Variants in SIPA1L2 observed in about 807,000 individuals in gnomAD.
SIPA1L2 encodes the protein signal induced proliferation associated 1 like 2.
SIPA1L2 carries 56 observed loss-of-function variants against 163.9 expected under a neutral mutation model. The observed-to-expected ratio is 0.34, with a 90% CI of 0.28 to 0.43. The LOEUF (loss-of-function observed/expected upper bound fraction) is 0.43, where lower values mean the gene tolerates loss of function less well. Among genes scored for constraint, SIPA1L2 ranks in the 20% least tolerant of loss-of-function variants. The probability of loss-of-function intolerance (pLI) is 1.00; values close to 1 mark genes in which losing one functional copy is unlikely to be tolerated. For synonymous variants in SIPA1L2, 877 were observed against 865.7 expected (o/e 1.01, Z -0.23); for missense variants, 1,974 against 2,193.5 (o/e 0.90, Z 2.00).
intron 2 of SIPA1L2, among the ~76,000 whole-genome samples, chr1:232,542,268 A>T (rs1657730961): frequency 6.6e-6 from 1 of 152,242 alleles, no homozygotes; most frequent in African/African-American, 2.4e-5. Flanking sequence ...AGGATACTCA[A>T]CATAGAGATA....
intron 3 of SIPA1L2, 32 bp downstream of exon 3, chr1:232,513,825 G>A (rs1464165437): frequency 6.5e-7 from 1 of 1,530,112 alleles, no homozygotes; most frequent in Non-Finnish European, 8.7e-7. Context: ...CTACTCCCGA[G>A]ACACATGCAA....
chr1:232,583,465 T>G (rs912835060), intron 1 of SIPA1L2, among the ~76,000 whole-genome samples: 1 of 152,200 alleles, frequency 6.6e-6, no homozygotes, highest in Admixed American at 6.5e-5. Context: ...TGAATAGTGA[T>G]ACAGCCTGAA....
At chr1:232,572,040 T>C (rs893552621) in intron 2 of SIPA1L2, among the ~76,000 whole-genome samples, 2 of 152,196 alleles carry the variant, frequency 1.3e-5, no homozygotes, top group Non-Finnish European at 2.9e-5. Flanking sequence ...ACTCATCAGA[T>C]TACCCATAAA....
chr1:232,432,215 G>A, intron 16 of SIPA1L2, 32 bp downstream of exon 16: 1 of 1,581,790 alleles, frequency 6.3e-7, no homozygotes, highest in South Asian at 1.1e-5. Flanking sequence ...AGTGAAAAAT[G>A]CTGACCAGAG....
intron 18 of SIPA1L2, among the ~76,000 whole-genome samples, chr1:232,416,635 G>A (rs774392383): frequency 6.6e-6 from 1 of 152,180 alleles, no homozygotes; most frequent in Non-Finnish European, 1.5e-5. Flanking sequence ...AACTTGAGAT[G>A]CCTCAAATAC....
chr1:232,479,704 A>G lies in SIPA1L2; in HGVS notation c.2008T>C (p.Tyr670His). ...AGTTCGTAGTCTTTGTATGTGGTAT[A>G]GAGAGAGTGCGTGCCCGTGGAATCA... The part of the protein sequence containing the change: ...KTDSTGTHSL[Y>H]TTYKDYELMF... Residue 670 changes from tyrosine to histidine, a missense_variant, in exon 7 of 23, where the codon TAT (tyrosine) becomes CAT (histidine). Tyr to His is a moderately conservative substitution (Grantham distance 83). Around this residue, in one of 3 missense-constraint regions of SIPA1L2, gnomAD observed 288 missense variants for 418.9 expected, o/e 0.69. Transcript: ENST00000674635. 1 of 1,613,750 alleles carries G rather than the reference A, an allele frequency of 6.2e-7. No individual in the cohort carries two copies. Among genetic ancestry groups the G allele is most frequent in the Non-Finnish European group, 8.5e-7 (1 of 1,179,730 alleles).
rs57748891 is a variant in SIPA1L2, at chr1:232,549,815, GT to G, written c.-270+24358del. Among the ~76,000 whole-genome samples, 731 of 152,222 alleles carry G rather than the reference GT, an allele frequency of 4.8e-3. 7 individuals are homozygous for G. The highest frequency in any genetic ancestry group is 0.017 in the African/African-American group (705 of 41,536). ...AATATTATTTTTCTTCATCATTTTT[GT>G]TTTGTTTATGTTGCTAATTGACTAT... On this transcript the variant is annotated intron_variant, in intron 2 of 22. Transcript: ENST00000674635.
At chr1:232,411,509 C>T (rs562617708) in intron 19 of SIPA1L2, among the ~76,000 whole-genome samples, 31 of 151,906 alleles carry the variant, frequency 2.0e-4, no homozygotes, top group African/African-American at 7.5e-4. Flanking sequence ...ATCAAATTTG[C>T]TATTGGTTTA....
chr1:232,454,976 G>C (rs2102900141), intron 10 of SIPA1L2, among the ~76,000 whole-genome samples: 1 of 152,348 alleles, frequency 6.6e-6, no homozygotes, highest in South Asian at 2.1e-4. Flanking sequence ...AACAGCCCCA[G>C]TGCTCAGCAC....
At chr1:232,464,746 G>T in intron 9 of SIPA1L2, 94 bp downstream of exon 9, 4 of 981,436 alleles carry the variant, frequency 4.1e-6, no homozygotes, top group Non-Finnish European at 5.9e-6. Context: ...TTCCCTAATT[G>T]GTATAATCAT....
chr1:232,399,858 T>A (rs547414214), intron 22 of SIPA1L2, among the ~76,000 whole-genome samples: 149 of 152,056 alleles, frequency 9.8e-4, no homozygotes, highest in African/African-American at 3.4e-3. Context: ...GTTCCCCCCC[T>A]GCTGAAAGGG....
chr1:232,509,789 T>C (rs992947119), intron 3 of SIPA1L2, among the ~76,000 whole-genome samples: 1 of 152,158 alleles, frequency 6.6e-6, no homozygotes, highest in Non-Finnish European at 1.5e-5. Flanking sequence ...CAATTTCACT[T>C]TGAAGTCACA....
At chr1:232,525,193 T>G (rs1445920963) in intron 2 of SIPA1L2, among the ~76,000 whole-genome samples, 1 of 151,840 alleles carries the variant, frequency 6.6e-6, no homozygotes, top group East Asian at 1.9e-4. Flanking sequence ...TACTGCCCTT[T>G]ATTCCTATGC....
At chr1:232,579,526 A>G (rs773898140) in intron 1 of SIPA1L2, among the ~76,000 whole-genome samples, 3 of 152,234 alleles carry the variant, frequency 2.0e-5, no homozygotes, top group Non-Finnish European at 2.9e-5. Context: ...CATTTCCTAC[A>G]GGATAAGCAA....
chr1:232,612,594 C>T (rs1662299679), intron 1 of SIPA1L2, among the ~76,000 whole-genome samples: 1 of 152,174 alleles, frequency 6.6e-6, no homozygotes, highest in Non-Finnish European at 1.5e-5. Flanking sequence ...CTTGCATGGG[C>T]CCTGTAACCC....
chr1:232,481,772 T>C (rs1433910850), intron 6 of SIPA1L2, among the ~76,000 whole-genome samples: 1 of 152,184 alleles, frequency 6.6e-6, no homozygotes, highest in Non-Finnish European at 1.5e-5. Flanking sequence ...TCCCCTATGT[T>C]CCTATCCCAT....
intron 18 of SIPA1L2, among the ~76,000 whole-genome samples, chr1:232,419,805 C>T (rs998524187): frequency 7.9e-5 from 12 of 152,210 alleles, no homozygotes; most frequent in Non-Finnish European, 1.6e-4. Flanking sequence ...CAGCCTAACA[C>T]AGATTCTAAA....
At chr1:232,505,387 CA>C (rs1161671188) in intron 3 of SIPA1L2, among the ~76,000 whole-genome samples, 1 of 152,202 alleles carries the variant, frequency 6.6e-6, no homozygotes, top group African/African-American at 2.4e-5. Flanking sequence ...GTACCAGCAG[CA>C]AAATGCCAAC....
rs750665151 is a variant in SIPA1L2 at position 232,402,379 on chromosome 1, TCCA to T, written c.5022+10_5022+12del. On this transcript the variant is annotated intron_variant, in intron 22 of 22. Transcript: ENST00000674635. ...AGAGAAACAGTTCTGATTATGCTCT[TCCA>T]ATTGATTACCTTCCGAAGGTCGGTC... The T allele has an allele frequency of 9.9e-5, 160 of 1,610,640 alleles. 2 individuals are homozygous for T. In the African/African-American group the frequency reaches 1.9e-3, roughly 19 times the overall value.
Sources: allele counts gnomAD v4.1 joint callset (sites outside exome capture counted in the v4.1 genomes callset), GRCh38; gene constraint gnomAD v4.1.1; regional missense constraint gnomAD v4.1.1; transcripts MANE v1.5; gene names NCBI Gene and HGNC (gene_info 2026-07-23, HGNC 2026-07-21).